Variants in LRRC74A observed in about 807,000 individuals in gnomAD.
LRRC74A encodes the protein leucine rich repeat containing 74A.
Under a neutral mutation model 57.9 loss-of-function variants are expected in LRRC74A, and 44 were observed. That is an observed-to-expected ratio of 0.76 (90% CI 0.60 to 0.98). The LOEUF is 0.98. Ranked by LOEUF, LRRC74A falls within the 50% of genes least tolerant of loss-of-function variation. The pLI, the probability that LRRC74A is intolerant of heterozygous loss-of-function variation, is 0.00. For missense variants in LRRC74A, 572 were observed against 574.0 expected, an observed-to-expected ratio of 1.00 and a Z score of 0.04; for synonymous variants, 211 against 219.4, an observed-to-expected ratio of 0.96 and a Z score of 0.34.
intron 2 of LRRC74A, among the ~76,000 whole-genome samples, chr14:76,830,815 T>C (rs1242559730): frequency 2.0e-5 from 3 of 152,330 alleles, no homozygotes; most frequent in East Asian, 3.9e-4. Context: ...CCATCAAAAG[T>C]CATCCGCGTT....
chr14:76,835,486 CAAA>C (rs11362184), intron 3 of LRRC74A, among the ~76,000 whole-genome samples: 35 of 130,700 alleles, frequency 2.7e-4, no homozygotes, highest in Admixed American at 3.9e-4. Flanking sequence ...GACTCCATCT[CAAA>C]AAAAAAAAAA....
intron 10 of LRRC74A, among the ~76,000 whole-genome samples, chr14:76,858,892 A>G (rs1898086676): frequency 6.6e-6 from 1 of 152,174 alleles, no homozygotes; most frequent in Non-Finnish European, 1.5e-5. Context: ...CTCAGCCTCC[A>G]GTGATGGCAT....
chr14:76,866,538 G>A (rs111755446), intron 12 of LRRC74A, among the ~76,000 whole-genome samples: 2,558 of 152,246 alleles, frequency 0.017, 73 homozygotes, highest in African/African-American at 0.057. Context: ...TCATCAGAGC[G>A]TCCCAGGAGA....
intron 5 of LRRC74A, among the ~76,000 whole-genome samples, chr14:76,840,043 T>G (rs1341536185): frequency 6.6e-6 from 1 of 152,228 alleles, no homozygotes; most frequent in Non-Finnish European, 1.5e-5. Context: ...TATGGTACTT[T>G]CTTGTAGCAA....
chr14:76,866,577 AGAG>A (rs1396656447), intron 12 of LRRC74A, among the ~76,000 whole-genome samples: 3 of 152,158 alleles, frequency 2.0e-5, no homozygotes, highest in African/African-American at 7.2e-5. Context: ...ATAGGACTCC[AGAG>A]GAGAAGTTCC....
chr14:76,862,505 C>T (rs559953931), intron 11 of LRRC74A, among the ~76,000 whole-genome samples: 3 of 150,764 alleles, frequency 2.0e-5, no homozygotes, highest in African/African-American at 7.3e-5. Flanking sequence ...CCACTGCACT[C>T]CAGCCTGGGC....
intron 7 of LRRC74A, 131 bp from the exon 8 acceptor site, chr14:76,852,234 T>A (rs1384480022): frequency 4.8e-6 from 3 of 622,548 alleles, no homozygotes; most frequent in Non-Finnish European, 8.2e-6. Flanking sequence ...ACTAAAAAAA[T>A]TATTATCTGA....
At chr14:76,853,675 C>T (rs181212962) in intron 9 of LRRC74A, among the ~76,000 whole-genome samples, 4 of 152,170 alleles carry the variant, frequency 2.6e-5, no homozygotes, top group Admixed American at 6.5e-5. Flanking sequence ...GGGTCTCCTT[C>T]GGGATCTTCT....
chr14:76,831,682 C>A (rs959554487), intron 3 of LRRC74A, among the ~76,000 whole-genome samples: 1 of 152,130 alleles, frequency 6.6e-6, no homozygotes, highest in Admixed American at 6.5e-5. Flanking sequence ...GGAAAAGTGA[C>A]CAGGCCCAAT....
In LRRC74A at chr14:76,853,430, G is replaced by GGTGTGCGTGT. The variant is rs1897653342; in HGVS notation, c.957+25_957+26insCGTGTGTGTG. On this transcript the variant is annotated intron_variant, in intron 9 of 13. Coordinates refer to ENST00000689127, the MANE Select transcript of LRRC74A (RefSeq NM_001385106.1). The stretch of plus-strand genomic sequence containing the variant: ...CTGAAGGTAGTCTTCAGCTGGAAAG[G>GGTGTGCGTGT]GTGTGTGTGTGTGTGTGTGTGTGTG... 8.5e-7 allele frequency: 1 copy of GGTGTGCGTGT among 1,178,048 alleles called. No individual in the cohort carries two copies. Among genetic ancestry groups the GGTGTGCGTGT allele is most frequent in the Non-Finnish European group, 1.2e-6 (1 of 840,468 alleles). The allele number at this position is 1,178,048 out of a possible 1,614,324, so 73.0% of individuals were successfully genotyped here. A position where few individuals can be genotyped will look rare whatever the true frequency, so the allele number is the denominator to read the frequency against.
chr14:76,857,532 C>G (rs369966857), intron 10 of LRRC74A, 57 bp downstream of exon 10: 102 of 1,264,640 alleles, frequency 8.1e-5, no homozygotes, highest in East Asian at 5.6e-4. Flanking sequence ...ACCCTGTCCA[C>G]TCTATACTCT....
chr14:76,852,745 A>C (rs1897595492), intron 8 of LRRC74A, among the ~76,000 whole-genome samples: 1 of 151,080 alleles, frequency 6.6e-6, no homozygotes, highest in Non-Finnish European at 1.5e-5. Flanking sequence ...CAGCCTCCTG[A>C]GTAGCTGAGA....
At chr14:76,857,738 A>G (rs1464333551) in intron 10 of LRRC74A, among the ~76,000 whole-genome samples, 1 of 152,224 alleles carries the variant, frequency 6.6e-6, no homozygotes, top group Non-Finnish European at 1.5e-5. Flanking sequence ...GAGAGTAGAG[A>G]TAAGAAAATG....
At chr14:76,848,121 T>G (rs1595370841) in intron 7 of LRRC74A, among the ~76,000 whole-genome samples, 1 of 128,198 alleles carries the variant, frequency 7.8e-6, no homozygotes, top group Non-Finnish European at 1.6e-5. Context: ...TGCAGTAAGA[T>G]GAGATCCTGG....
intron 3 of LRRC74A, among the ~76,000 whole-genome samples, chr14:76,833,381 G>A (rs954953593): frequency 2.0e-5 from 3 of 150,306 alleles, no homozygotes; most frequent in Non-Finnish European, 4.4e-5. Context: ...TGTTCTTACA[G>A]TACAATAAGG....
At chr14:76,865,368 C>G (rs1189155834) in intron 11 of LRRC74A, among the ~76,000 whole-genome samples, 1 of 151,926 alleles carries the variant, frequency 6.6e-6, no homozygotes, top group Non-Finnish European at 1.5e-5. Flanking sequence ...GGAACCAATC[C>G]CTTGCACATA....
At chr14:76,862,645 A>G (rs1898407823) in intron 11 of LRRC74A, among the ~76,000 whole-genome samples, 1 of 152,184 alleles carries the variant, frequency 6.6e-6, no homozygotes, top group African/African-American at 2.4e-5. Context: ...CCAGAAAAGG[A>G]TGACTTCTTG....
intron 11 of LRRC74A, among the ~76,000 whole-genome samples, chr14:76,862,924 G>T (rs997436243): frequency 6.6e-6 from 1 of 152,180 alleles, no homozygotes; most frequent in South Asian, 2.1e-4. Flanking sequence ...ACAGGGGGCC[G>T]GTGAGAGCTG....
At chr14:76,857,249 A>C in intron 9 of LRRC74A, 131 bp from the exon 10 acceptor site, 6 of 599,548 alleles carry the variant, frequency 1.0e-5, no homozygotes, top group Non-Finnish European at 1.5e-5. Context: ...CAGAAGGACA[A>C]GGAGATAATT....
Sources: allele counts gnomAD v4.1 joint callset (sites outside exome capture counted in the v4.1 genomes callset), GRCh38; gene constraint gnomAD v4.1.1; transcripts MANE v1.5; gene names NCBI Gene and HGNC (gene_info 2026-07-23, HGNC 2026-07-21).